The following ZNF385D variants were observed in gnomAD, a reference collection of about 807,000 sequenced individuals.
ZNF385D encodes zinc finger protein 659.
Under a neutral mutation model 35.8 loss-of-function variants are expected in ZNF385D, and 15 were observed. The ratio of observed to expected loss-of-function variants is 0.42; its 90% CI spans 0.28 to 0.64. The LOEUF (loss-of-function observed/expected upper bound fraction) is 0.64. ZNF385D is among the 30% of genes least tolerant of loss of function. The pLI, the probability that ZNF385D is intolerant of heterozygous loss-of-function variation, is 0.23. For synonymous variants in ZNF385D, 212 were observed against 186.8 expected (o/e 1.13, Z -1.10); for missense variants, 474 against 494.6 (o/e 0.96, Z 0.39).
At chr3:22,243,194 G>A (rs1699589254) in intron 2 of ZNF385D, among the ~76,000 whole-genome samples, 1 of 150,278 alleles carries the variant, frequency 6.7e-6, no homozygotes, top group South Asian at 2.2e-4. Context: ...AAAACAAACA[G>A]CCCAATTTAA....
At chr3:21,767,611 T>C (rs2070886777) in intron 3 of ZNF385D, among the ~76,000 whole-genome samples, 1 of 151,734 alleles carries the variant, frequency 6.6e-6, no homozygotes, top group African/African-American at 2.4e-5. Context: ...AATATATACC[T>C]GGTATATAGA....
At chr3:21,662,128 C>T (rs921436597) in intron 2 of ZNF385D, among the ~76,000 whole-genome samples, 3 of 152,040 alleles carry the variant, frequency 2.0e-5, no homozygotes, top group African/African-American at 7.2e-5. Context: ...TGTTGGGTGG[C>T]AGAGTTCATC....
rs938627088 is a variant in ZNF385D at position 21,819,651 on chromosome 3, A to G, written c.326-154623T>C. Among the ~76,000 whole-genome samples, 5 of 146,056 alleles carry G rather than the reference A, an allele frequency of 3.4e-5. No homozygotes were observed. In the East Asian group the frequency reaches 1.0e-3, roughly 29 times the overall value. ...TATATAATTATATATTCTATATTAT[A>G]TATTTATGTGTATTAATTATATATA... On this transcript the variant is annotated intron_variant, in intron 3 of 5. Coordinates refer to the ZNF385D transcript ENST00000494108.
At chr3:21,942,117 G>A (rs984373277) in intron 3 of ZNF385D, among the ~76,000 whole-genome samples, 1 of 152,102 alleles carries the variant, frequency 6.6e-6, no homozygotes, top group Non-Finnish European at 1.5e-5. Flanking sequence ...AACTTTATGT[G>A]TATTATGTCA....
At chr3:22,213,462 T>C (rs1200321266) in intron 2 of ZNF385D, among the ~76,000 whole-genome samples, 15 of 152,104 alleles carry the variant, frequency 9.9e-5, no homozygotes. Context: ...AGAAATAGAA[T>C]ACTTCCAGTG....
intron 3 of ZNF385D, among the ~76,000 whole-genome samples, chr3:21,527,625 A>C (rs537553036): frequency 1.2e-4 from 18 of 152,166 alleles, no homozygotes; most frequent in Non-Finnish European, 2.4e-4. Context: ...TCCACAGATT[A>C]GTATTTTAAG....
chr3:21,541,193 T>TACA (rs2062166809), intron 3 of ZNF385D, among the ~76,000 whole-genome samples: 1 of 152,210 alleles, frequency 6.6e-6, no homozygotes, highest in East Asian at 1.9e-4. Context: ...GCATGCCTGG[T>TACA]ACAATTTCAT....
In ZNF385D at chr3:21,886,089, A is replaced by C. The variant is rs551349238; in HGVS notation, c.326-221061T>G. Among the ~76,000 whole-genome samples the C allele has an allele frequency of 2.0e-3, 297 of 152,296 alleles. 2 individuals carry two copies. The highest frequency in any genetic ancestry group is 1.9e-3 in the Non-Finnish European group (131 of 68,032). ...CATGATGGCCCAGTCAAGTTGGCAC[A>C]TAAAATTAACCATCACATAGATACA... On this transcript the variant is annotated intron_variant, in intron 3 of 5. Coordinates refer to the ZNF385D transcript ENST00000494108.
chr3:21,813,097 C>T (rs532525637), intron 3 of ZNF385D, among the ~76,000 whole-genome samples: 2 of 151,952 alleles, frequency 1.3e-5, no homozygotes, highest in South Asian at 2.1e-4. Flanking sequence ...TGGAGTGGAC[C>T]TCCAGCATAC....
chr3:21,844,921 G>C (rs919221125), intron 3 of ZNF385D, among the ~76,000 whole-genome samples: 1 of 151,836 alleles, frequency 6.6e-6, no homozygotes, highest in African/African-American at 2.4e-5. Context: ...TGGTTTTATA[G>C]ATGTAGGTTT....
chr3:21,617,468 A>G (rs571610492), intron 2 of ZNF385D, among the ~76,000 whole-genome samples: 20 of 152,230 alleles, frequency 1.3e-4, no homozygotes, highest in Non-Finnish European at 2.6e-4. Flanking sequence ...GATAGCTAAC[A>G]TTACAGAGTG....
intron 3 of ZNF385D, among the ~76,000 whole-genome samples, chr3:21,813,232 A>T: frequency 6.8e-6 from 1 of 147,784 alleles, no homozygotes; most frequent in African/African-American, 2.4e-5. Context: ...ATAAAACCAC[A>T]AAGATGGGGA....
intron 4 of ZNF385D, among the ~76,000 whole-genome samples, chr3:21,479,687 T>C (rs930915814): frequency 6.6e-6 from 1 of 152,188 alleles, no homozygotes; most frequent in Non-Finnish European, 1.5e-5. Context: ...AAGAACTTAA[T>C]TTGTAATGAA....
At chr3:22,325,372 T>C (rs2125451242) in intron 2 of ZNF385D, among the ~76,000 whole-genome samples, 1 of 152,316 alleles carries the variant, frequency 6.6e-6, no homozygotes, top group Admixed American at 6.5e-5. Flanking sequence ...TAGTTGATCA[T>C]TAGTTGTACA....
At chr3:22,343,806 C>G (rs1695530473) in intron 2 of ZNF385D, among the ~76,000 whole-genome samples, 1 of 152,110 alleles carries the variant, frequency 6.6e-6, no homozygotes, top group Admixed American at 6.6e-5. Context: ...AAAACAATAT[C>G]ACATTCAGTG....
At chr3:22,214,677 C>T (rs28376040) in intron 2 of ZNF385D, among the ~76,000 whole-genome samples, 10,373 of 151,930 alleles carry the variant, frequency 0.068, 940 homozygotes, top group African/African-American at 0.21. Flanking sequence ...TCTCCCATAG[C>T]GCTCCCAGGC....
chr3:21,832,207 T>A (rs1435495584), intron 3 of ZNF385D, among the ~76,000 whole-genome samples: 2 of 152,168 alleles, frequency 1.3e-5, no homozygotes, highest in Non-Finnish European at 2.9e-5. Flanking sequence ...TTTCTTCACA[T>A]CTACTTTCAT....
chr3:22,183,618 G>C (rs1452076082), intron 2 of ZNF385D, among the ~76,000 whole-genome samples: 1 of 151,946 alleles, frequency 6.6e-6, no homozygotes, highest in Admixed American at 6.6e-5. Flanking sequence ...GGCCTCCCGA[G>C]AATGGAAAGT....
intron 2 of ZNF385D, among the ~76,000 whole-genome samples, chr3:22,270,206 G>A (rs946000885): frequency 2.0e-5 from 3 of 151,868 alleles, no homozygotes; most frequent in Non-Finnish European, 2.9e-5. Context: ...AGCTCAAATG[G>A]TACACTGTGG....
Sources: allele counts gnomAD v4.1 joint callset (sites outside exome capture counted in the v4.1 genomes callset), GRCh38; gene constraint gnomAD v4.1.1; transcripts MANE v1.5; gene names NCBI Gene and HGNC (gene_info 2026-07-23, HGNC 2026-07-21).